CAST: variants seen among roughly 807,000 people sequenced by gnomAD.
The protein encoded by CAST is calpastatin.
CAST carries 76 observed loss-of-function variants against 119.6 expected under a neutral mutation model. The ratio of observed to expected loss-of-function variants is 0.64; its 90% CI spans 0.53 to 0.77. The LOEUF (loss-of-function observed/expected upper bound fraction) is 0.77, where lower values mean the gene tolerates loss of function less well. CAST is among the 30% of genes least tolerant of loss of function. CAST has a pLI of 0.00. For missense variants in CAST, 953 were observed against 946.5 expected, an observed-to-expected ratio of 1.01 and a Z score of -0.09; for synonymous variants, 319 against 331.6, an observed-to-expected ratio of 0.96 and a Z score of 0.41.
intron 1 of CAST, among the ~76,000 whole-genome samples, chr5:96,654,297 T>C (rs111387999): frequency 0.026 from 3,936 of 152,232 alleles, 177 homozygotes; most frequent in African/African-American, 0.091. Context: ...AGTGCTGGGA[T>C]TACAGATGTG....
chr5:96,642,289 G>T (rs967084368), intron 1 of CAST, among the ~76,000 whole-genome samples: 8 of 152,194 alleles, frequency 5.3e-5, no homozygotes, highest in African/African-American at 1.9e-4. Flanking sequence ...TTGAGATAAT[G>T]CATGGTACAT....
At chr5:96,664,473 G>A (rs1032599947) in intron 1 of CAST, among the ~76,000 whole-genome samples, 6 of 151,732 alleles carry the variant, frequency 4.0e-5, no homozygotes, top group African/African-American at 1.5e-4. Context: ...TGTTGCCCAG[G>A]CTAGTCTAAA....
chr5:96,350,038 A>G, the CAST span, among the ~76,000 whole-genome samples: 1 of 152,212 alleles, frequency 6.6e-6, no homozygotes, highest in East Asian at 1.9e-4. Flanking sequence ...TGGAAAGGTC[A>G]TAATTCCTGA....
chr5:96,538,785 G>C (rs1243233308), intron 1 of CAST, among the ~76,000 whole-genome samples: 2 of 152,058 alleles, frequency 1.3e-5, no homozygotes, highest in Non-Finnish European at 2.9e-5. Context: ...TTGGGATACT[G>C]TCTCTGTATC....
the CAST span, among the ~76,000 whole-genome samples, chr5:96,126,191 A>G: frequency 6.6e-6 from 1 of 152,142 alleles, no homozygotes; most frequent in African/African-American, 2.4e-5. Context: ...ACTCAGCACA[A>G]AGTCTGTTAT....
chr5:96,189,877 T>A, the CAST span, among the ~76,000 whole-genome samples: 1 of 152,206 alleles, frequency 6.6e-6, no homozygotes, highest in Non-Finnish European at 1.5e-5. Context: ...TAGTTTAAGT[T>A]TTCTCCTATT....
chr5:96,750,175 T>C (rs991700668), intron 19 of CAST, among the ~76,000 whole-genome samples: 2 of 152,238 alleles, frequency 1.3e-5, no homozygotes, highest in South Asian at 2.1e-4. Context: ...ATATTTGTTA[T>C]ACATAATGAC....
the CAST span, among the ~76,000 whole-genome samples, chr5:96,489,090 C>A: frequency 6.6e-6 from 1 of 152,216 alleles, no homozygotes; most frequent in African/African-American, 2.4e-5. Context: ...CAGAAAGCTC[C>A]TGGAAAACCC....
At chr5:96,521,970 G>T (rs1054168272), upstream of CAST, among the ~76,000 whole-genome samples, 1 of 152,130 alleles carries the variant, frequency 6.6e-6, no homozygotes, top group South Asian at 2.1e-4. Context: ...AAAAAAATTA[G>T]CCAGGCGTGG....
At chr5:96,342,297 T>C in the CAST span, among the ~76,000 whole-genome samples, 1 of 152,292 alleles carries the variant, frequency 6.6e-6, no homozygotes, top group Non-Finnish European at 1.5e-5. Context: ...TGCTTTTTCA[T>C]TGTTGGTTGG....
chr5:96,171,700 G>A, the CAST span, among the ~76,000 whole-genome samples: 1 of 152,226 alleles, frequency 6.6e-6, no homozygotes, highest in South Asian at 2.1e-4. Context: ...GAAATTAAGA[G>A]AAGGCAGAGA....
chr5:96,439,589 C>G, the CAST span, among the ~76,000 whole-genome samples: 1 of 152,148 alleles, frequency 6.6e-6, no homozygotes, highest in Non-Finnish European at 1.5e-5. Context: ...AGAAAACTAT[C>G]CCTTTGTCAC....
At chr5:96,188,871 T>C in the CAST span, among the ~76,000 whole-genome samples, 2 of 152,218 alleles carry the variant, frequency 1.3e-5, no homozygotes, top group Non-Finnish European at 2.9e-5. Flanking sequence ...GTCAAATAAA[T>C]TGTCTTTTAT....
the CAST span, among the ~76,000 whole-genome samples, chr5:96,362,612 G>T: frequency 2.0e-5 from 3 of 152,154 alleles, no homozygotes; most frequent in Non-Finnish European, 4.4e-5. Flanking sequence ...TCATGTGTCT[G>T]TTGGCTGCAT....
intron 1 of CAST, among the ~76,000 whole-genome samples, chr5:96,557,899 T>C (rs1746275859): frequency 1.3e-5 from 2 of 152,148 alleles, no homozygotes; most frequent in Non-Finnish European, 1.5e-5. Context: ...CAACACACTA[T>C]ACATTCTTTT....
the CAST span, among the ~76,000 whole-genome samples, chr5:96,399,636 T>C: frequency 1.3e-5 from 2 of 152,180 alleles, no homozygotes; most frequent in East Asian, 3.8e-4. Flanking sequence ...AAAAAAATAG[T>C]TAAACATTGA....
At chr5:96,503,148 G>A in the CAST span, among the ~76,000 whole-genome samples, 21 of 152,152 alleles carry the variant, frequency 1.4e-4, no homozygotes, top group Non-Finnish European at 2.2e-4. Context: ...AATTAGAAAT[G>A]TAAAAACTGG....
the CAST span, among the ~76,000 whole-genome samples, chr5:96,183,497 T>C: frequency 1.3e-5 from 2 of 152,170 alleles, no homozygotes; most frequent in South Asian, 4.1e-4. Context: ...TATTTGGAAT[T>C]TTTTTCAGAA....
At chr5:96,330,740 TC>T in the CAST span, among the ~76,000 whole-genome samples, 1 of 152,300 alleles carries the variant, frequency 6.6e-6, no homozygotes, top group East Asian at 1.9e-4. Flanking sequence ...TTTGTGAACA[TC>T]CAAGAATTCT....
Sources: gnomAD v4.1 joint callset for allele counts (sites outside exome capture counted in the v4.1 genomes callset) on GRCh38, gnomAD v4.1.1 for gene constraint, MANE v1.5 for transcripts, NCBI Gene and HGNC (gene_info 2026-07-23, HGNC 2026-07-21) for gene names.